Variants in DSE observed in about 807,000 individuals in gnomAD.
The protein encoded by DSE is dermatan-sulfate epimerase.
DSE carries 36 observed loss-of-function variants against 84.4 expected under a neutral mutation model. The ratio of observed to expected loss-of-function variants is 0.43; its 90% CI spans 0.33 to 0.56. The LOEUF (loss-of-function observed/expected upper bound fraction) is 0.56. DSE is among the 20% of genes least tolerant of loss of function. DSE has a pLI of 0.06. For missense variants in DSE, 862 were observed against 1,169.6 expected, an observed-to-expected ratio of 0.74 and a Z score of 3.84; for synonymous variants, 410 against 430.1, an observed-to-expected ratio of 0.95 and a Z score of 0.58.
chr6:116,425,629 A>ATT (rs1198347413), intron 2 of DSE, among the ~76,000 whole-genome samples: 1,979 of 46,162 alleles, frequency 0.043, 47 homozygotes, highest in African/African-American at 0.11. Flanking sequence ...ATTTTATTTT[A>ATT]TTTTTTTTTT....
At chr6:116,259,079 C>T in intron 2 of DSE, 1 of 1,545,102 alleles carries the variant, frequency 6.5e-7, no homozygotes, top group Non-Finnish European at 8.9e-7. Flanking sequence ...TCTGGGGTCT[C>T]TGCCACTGCT....
intron 1 of DSE, among the ~76,000 whole-genome samples, chr6:116,376,772 G>A (rs1301095490): frequency 6.6e-6 from 1 of 152,066 alleles, no homozygotes; most frequent in Non-Finnish European, 1.5e-5. Context: ...TTTATATTTG[G>A]GAATAGTTAT....
chr6:116,282,757 G>A (rs530032507), intron 2 of DSE, among the ~76,000 whole-genome samples: 61 of 152,240 alleles, frequency 4.0e-4, no homozygotes, highest in African/African-American at 1.3e-3. Context: ...GATTGCTTTC[G>A]GACAAGTGCT....
intron 2 of DSE, among the ~76,000 whole-genome samples, chr6:116,402,264 A>T (rs543032581): frequency 1.3e-5 from 2 of 152,304 alleles, no homozygotes; most frequent in African/African-American, 4.8e-5. Context: ...TTCATTCATG[A>T]CTTAAACATT....
rs531637582 is a variant in DSE at position 116,332,297 on chromosome 6, T to C, written c.-53-66901T>C. 1.3e-3 allele frequency among the ~76,000 whole-genome samples: 204 copies of C among 152,258 alleles called. 1 individual carries two copies. The highest frequency in any genetic ancestry group is 4.6e-3 in the African/African-American group (191 of 41,564). On this transcript the variant is annotated intron_variant, in intron 2 of 3. Transcript: ENST00000430252. The stretch of plus-strand genomic sequence containing the variant: ...GTACTACATTTATATATTGGAAGAC[T>C]CAGCATTTTTAAAATGTTAATTTTC...
intron 2 of DSE, among the ~76,000 whole-genome samples, chr6:116,295,862 A>G (rs1379620170): frequency 1.3e-5 from 2 of 152,232 alleles, no homozygotes; most frequent in Non-Finnish European, 2.9e-5. Context: ...AAATTTTTCC[A>G]TAATCTCATC....
At chr6:116,285,181 G>A (rs1222294224) in intron 2 of DSE, among the ~76,000 whole-genome samples, 1 of 152,172 alleles carries the variant, frequency 6.6e-6, no homozygotes, top group East Asian at 1.9e-4. Flanking sequence ...TCCAGCACCT[G>A]TTGTTTGCTG....
intron 2 of DSE, among the ~76,000 whole-genome samples, chr6:116,300,062 C>T (rs1045135198): frequency 5.3e-5 from 8 of 152,150 alleles, no homozygotes. Flanking sequence ...TCCAGAAAAA[C>T]TGTCAACTTT....
At chr6:116,331,686 C>G (rs1158277061) in intron 2 of DSE, among the ~76,000 whole-genome samples, 1 of 152,172 alleles carries the variant, frequency 6.6e-6, no homozygotes, top group African/African-American at 2.4e-5. Context: ...AGGCCGGGCA[C>G]AGTGGCTCAC....
chr6:116,279,898 C>A, intron 2 of DSE: 2 of 1,605,920 alleles, frequency 1.2e-6, no homozygotes, highest in Non-Finnish European at 1.7e-6. Context: ...GGGAGCTAAC[C>A]GCCGCTCGCA....
chr6:116,418,901 AC>A (rs1782897168), intron 2 of DSE, among the ~76,000 whole-genome samples: 1 of 152,228 alleles, frequency 6.6e-6, no homozygotes, highest in South Asian at 2.1e-4. Flanking sequence ...GGGACGGAAT[AC>A]CTAATGTTGA....
chr6:116,352,095 AAGTT>A (rs1337754354), intron 2 of DSE, among the ~76,000 whole-genome samples: 1 of 151,986 alleles, frequency 6.6e-6, no homozygotes, highest in African/African-American at 2.4e-5. Context: ...ACCCTTGGAA[AAGTT>A]AGTTAATATC....
At chr6:116,390,068 G>GATTTT (rs1296437342) in intron 1 of DSE, among the ~76,000 whole-genome samples, 2 of 151,416 alleles carry the variant, frequency 1.3e-5, no homozygotes, top group Non-Finnish European at 2.9e-5. Flanking sequence ...ATAGTTCCAG[G>GATTTT]ATTTTATTTT....
chr6:116,336,577 G>T (rs1037915548), intron 2 of DSE, among the ~76,000 whole-genome samples: 1 of 152,098 alleles, frequency 6.6e-6, no homozygotes, highest in Admixed American at 6.6e-5. Context: ...CCAACATGCA[G>T]AAAACCCGTC....
intron 2 of DSE, among the ~76,000 whole-genome samples, chr6:116,338,169 CTCTT>C (rs10561540): frequency 0.48 from 68,534 of 144,020 alleles, 17,853 homozygotes; most frequent in East Asian, 0.94. Flanking sequence ...TCCTTTCTGT[CTCTT>C]TCTCTTTCTT....
At chr6:116,342,841 C>T (rs758754225) in intron 2 of DSE, among the ~76,000 whole-genome samples, 11 of 152,270 alleles carry the variant, frequency 7.2e-5, no homozygotes, top group East Asian at 1.9e-4. Flanking sequence ...CGGAGCAGGG[C>T]GGGGCATCGC....
At chr6:116,389,133 G>A (rs1780740593) in intron 1 of DSE, among the ~76,000 whole-genome samples, 1 of 152,090 alleles carries the variant, frequency 6.6e-6, no homozygotes, top group South Asian at 2.1e-4. Flanking sequence ...GATGATGATG[G>A]CTGCTAGTAT....
At position 116,436,188 on chromosome 6, in the gene DSE, C is replaced by G; in HGVS notation, c.1720C>G (p.Leu574Val). Residue 574 changes from leucine (L) to valine (V), a missense_variant, in exon 6 of 6, where the codon CTG becomes GTG. By Grantham distance (32) the Leu-to-Val change is conservative (BLOSUM62 1). Coordinates refer to ENST00000644252, the MANE Select transcript of DSE (RefSeq NM_013352.4). ...QLLLLVDQIH[L>V]GEESPLETAA... ...GCTTCTCCTTGTAGACCAAATACAC[C>G]TGGGAGAGGAGAGTCCCTTGGAGAC... 6.2e-7 allele frequency: 1 copy of G among 1,613,750 alleles called. No individual in the cohort carries two copies. The highest frequency in any genetic ancestry group is 1.1e-5 in the South Asian group (1 of 91,058).
chr6:116,286,413 A>T (rs11153606), intron 2 of DSE, among the ~76,000 whole-genome samples: 29,169 of 152,068 alleles, frequency 0.19, 3,108 homozygotes, highest in East Asian at 0.28. Context: ...TTTGTAAGGA[A>T]AGTACCCAAT....
Sources: allele counts gnomAD v4.1 joint callset (sites outside exome capture counted in the v4.1 genomes callset), GRCh38; gene constraint gnomAD v4.1.1; transcripts MANE v1.5; gene names NCBI Gene and HGNC (gene_info 2026-07-23, HGNC 2026-07-21).